MYH3: variants seen among roughly 807,000 people sequenced by gnomAD.
The protein encoded by MYH3 is myosin-3.
A neutral mutation model predicts 238.0 loss-of-function variants in MYH3; 130 were observed. The ratio of observed to expected loss-of-function variants is 0.55; its 90% CI spans 0.47 to 0.63. The LOEUF (loss-of-function observed/expected upper bound fraction) is 0.63. Among genes scored for constraint, MYH3 ranks in the 30% least tolerant of loss-of-function variants. The pLI is 0.00. For missense variants in MYH3, 1,853 were observed against 2,374.9 expected (o/e 0.78, Z 4.57); for synonymous variants, 880 against 924.1 (o/e 0.95, Z 0.86).
rs757083529 is a variant in MYH3 at position 10,634,958 on chromosome 17, G to A, written c.4238C>T (p.Ala1413Val). ...EQVEAVNAKC[A>V]SLEKTKQRLQ... ...CCTCTGCTTGGTCTTCTCCAGTGAAGCACATTTAGCATTCACTGCCTCAAC... is the reference window on the plus strand; with the variant it reads ...CCTCTGCTTGGTCTTCTCCAGTGAAACACATTTAGCATTCACTGCCTCAAC... Residue 1413 changes from alanine to valine, a missense_variant, in exon 31 of 41, where the codon GCT becomes GTT. This residue lies in a region of MYH3 where 1,044 missense variants were observed against 1,192.6 expected (regional missense o/e 0.88). Coordinates refer to ENST00000583535, the MANE Select transcript of MYH3 (RefSeq NM_002470.4). The A allele has an allele frequency of 4.3e-6, 7 of 1,614,072 alleles. No individual in the cohort carries two copies. The highest frequency in any genetic ancestry group is 5.9e-6 in the Non-Finnish European group (7 of 1,180,020).
the MYH3 span, among the ~76,000 whole-genome samples, chr17:10,662,963 T>C: frequency 3.3e-5 from 5 of 152,226 alleles, no homozygotes; most frequent in South Asian, 4.1e-4. Flanking sequence ...GGTGGGTTCC[T>C]GTAATCCCAG....
intron 3 of MYH3, among the ~76,000 whole-genome samples, chr17:10,653,587 C>T (rs1185326249): frequency 6.6e-6 from 1 of 152,132 alleles, no homozygotes; most frequent in African/African-American, 2.4e-5. Context: ...AGGACAAACC[C>T]CCACACCCTC....
At chr17:10,638,833 G>A (rs2074242222) in intron 26 of MYH3, 40 bp downstream of exon 26, 16 of 1,589,276 alleles carry the variant, frequency 1.0e-5, no homozygotes, top group Non-Finnish European at 1.4e-5. Context: ...CTCACTGTAA[G>A]TGGCCTCACA....
chr17:10,659,287 C>T (rs1020903951), upstream of MYH3, among the ~76,000 whole-genome samples: 7 of 152,202 alleles, frequency 4.6e-5, no homozygotes, highest in Non-Finnish European at 1.0e-4. Context: ...ACGTTAGGAC[C>T]TAATACAAGC....
At chr17:10,677,135 G>A in the MYH3 span, 1 of 152,026 alleles carries the variant, frequency 6.6e-6, no homozygotes, top group African/African-American at 2.4e-5. Flanking sequence ...GGAGAAACCC[G>A]TCTCTACTAA....
rs369565432 is a variant in MYH3 at position 10,656,516 on chromosome 17, G to A, written c.-67-368C>T. 3.5e-4 allele frequency among the ~76,000 whole-genome samples: 51 copies of A among 144,630 alleles called. No homozygotes were observed. In the East Asian group the frequency reaches 6.2e-3, roughly 18 times the overall value. 94.9% of individuals were successfully genotyped at this position (144,630 alleles called of 152,430 possible). Reference sequence around the variant, plus strand: ...TGTGCCATTGCACTCCAGCCTGGGCGACAAGAGCAAAATTCTGTCTCAAAA... The same window carrying A: ...TGTGCCATTGCACTCCAGCCTGGGCAACAAGAGCAAAATTCTGTCTCAAAA... On this transcript the variant is annotated intron_variant, in intron 1 of 40. Transcript: ENST00000583535.
Position 10,634,869 on chromosome 17 carries a change from G to C in MYH3, c.4327C>G (p.Leu1443Val). The C allele has an allele frequency of 6.2e-7, 1 of 1,614,152 alleles. No individual in the cohort carries two copies. The highest frequency in any genetic ancestry group is 1.1e-5 in the South Asian group (1 of 91,084). ...TCAAAGTTCCTCTGCTTCTTGTCCAGAGCGGCGGCCAAGGAATTGGCTCTT... is the reference window on the plus strand; with the variant it reads ...TCAAAGTTCCTCTGCTTCTTGTCCACAGCGGCGGCCAAGGAATTGGCTCTT... The part of the protein sequence containing the change: ...VERANSLAAA[L>V]DKKQRNFDKV... The change falls in exon 31 of 41, where the codon CTG becomes GTG. Residue 1443 changes from leucine to valine, a missense_variant. By Grantham distance (32) the Leu-to-Val change is conservative. Around this residue, in one of 3 missense-constraint regions of MYH3, gnomAD observed 1,044 missense variants for 1,192.6 expected, o/e 0.88. Transcript: ENST00000583535.
At chr17:10,672,574 AC>A in the MYH3 span, 22 of 152,300 alleles carry the variant, frequency 1.4e-4, no homozygotes, top group African/African-American at 5.3e-4. Flanking sequence ...TTGTGCAGCG[AC>A]CACTACCAAG....
Position 10,637,881 on chromosome 17 carries a change from C to T in MYH3, c.3784G>A (p.Gly1262Ser), listed in dbSNP as rs758679683. The T allele has an allele frequency of 1.2e-6, 2 of 1,614,070 alleles. No individual in the cohort carries two copies. Among genetic ancestry groups the T allele is most frequent in the Non-Finnish European group, 1.7e-6 (2 of 1,180,010 alleles). The change falls in exon 28 of 41, where the codon GGC becomes AGC. Residue 1262 changes from glycine to serine, a missense_variant. Gly to Ser is a moderately conservative substitution (Grantham distance 56, BLOSUM62 0). Coordinates refer to ENST00000583535, the MANE Select transcript of MYH3 (RefSeq NM_002470.4). ...TLEDQLSEAR[G>S]KNEEIQRSLS... ...CTCCTCTGAATTTCCTCATTCTTGC[C>T]CCTGGCCTCACTTAACTGATCCTCC...
In MYH3 at chr17:10,648,628, T is replaced by C. The variant is rs2074345715; in HGVS notation, c.664A>G (p.Ile222Val). The stretch of plus-strand genomic sequence containing the variant: ...GCCTCCAGCAGGGGATTGGCACTGA[T>C]GATTTGATCTTCCAGAGTCCCCTAA... ...KMKGTLEDQI[I>V]SANPLLEAFG... Residue 222 changes from isoleucine to valine, a missense_variant, in exon 8 of 41, where the codon ATC becomes GTC. Physicochemically the swap from Ile to Val is conservative, Grantham distance 29. Around this residue, in one of 3 missense-constraint regions of MYH3, gnomAD observed 678 missense variants for 1,058.9 expected, o/e 0.64. Coordinates refer to ENST00000583535, the MANE Select transcript of MYH3 (RefSeq NM_002470.4). The C allele has an allele frequency of 2.5e-6, 4 of 1,613,926 alleles. No individual in the cohort carries two copies. Among genetic ancestry groups the C allele is most frequent in the East Asian group, 2.2e-5 (1 of 44,880 alleles).
chr17:10,645,423 CTCTG>C (rs2074311219), intron 12 of MYH3, among the ~76,000 whole-genome samples: 1 of 151,998 alleles, frequency 6.6e-6, no homozygotes, highest in East Asian at 2.0e-4. Context: ...CAGAGCAAAA[CTCTG>C]TCTGACTCTC....
chr17:10,649,810 T>C (rs545614514), intron 6 of MYH3, 125 bp from the exon 7 acceptor site: 2 of 862,230 alleles, frequency 2.3e-6, no homozygotes, highest in East Asian at 2.5e-5. Context: ...ACCACACTAA[T>C]GTGACAGACC....
At chr17:10,670,802 T>C in the MYH3 span, among the ~76,000 whole-genome samples, 185 of 152,332 alleles carry the variant, frequency 1.2e-3, no homozygotes, top group South Asian at 4.1e-3. The surrounding 1 kb of genome is among the most constrained non-coding windows in gnomAD (Gnocchi z 7.0). Flanking sequence ...TCTTTTCAGA[T>C]CATTAAATAT....
chr17:10,643,983 A>C (rs113176388), intron 14 of MYH3, among the ~76,000 whole-genome samples: 2,589 of 151,924 alleles, frequency 0.017, 79 homozygotes, highest in African/African-American at 0.059. Context: ...AACATGGTGA[A>C]ACCCCATCTC....
Position 10,639,113 on chromosome 17 carries a change from A to C in MYH3, c.3179T>G (p.Leu1060Trp). 1 of 1,614,186 alleles carries C rather than the reference A, an allele frequency of 6.2e-7. No homozygotes were observed. Among genetic ancestry groups the C allele is most frequent in the Non-Finnish European group, 8.5e-7 (1 of 1,180,018 alleles). ...TAATATGGACTCTTGAGCAAGCTTC[A>C]AGTCTCCTTCCAATTTCCTTTTGTT... ...ERNKRKLEGD[L>W]KLAQESILDL... The change falls in exon 25 of 41, where the codon TTG becomes TGG. Residue 1060 changes from leucine to tryptophan, a missense_variant. Leu to Trp is a moderately conservative substitution (Grantham distance 61, BLOSUM62 -2). Around this residue, in one of 3 missense-constraint regions of MYH3, gnomAD observed 1,044 missense variants for 1,192.6 expected, o/e 0.88. Coordinates refer to ENST00000583535, the MANE Select transcript of MYH3 (RefSeq NM_002470.4).
chr17:10,646,309 G>A lies in MYH3; in HGVS notation c.899-277C>T, dbSNP rs529300968. ...CACGCTAATGGTGCATATCAGTGTC[G>A]GCTGGGAGAAGTTAATAGGGAAAAC... On this transcript the variant is annotated intron_variant, in intron 10 of 40. Transcript: ENST00000583535. 3.2e-4 allele frequency among the ~76,000 whole-genome samples: 49 copies of A among 152,208 alleles called. No individual in the cohort carries two copies. The East Asian group carries it at 6.0e-3, about 19-fold the overall frequency.
Position 10,655,066 on chromosome 17 carries a change from G to C in MYH3, c.-2C>G, listed in dbSNP as rs1430468858. The C allele has an allele frequency of 6.2e-7, 1 of 1,614,022 alleles. No homozygotes were observed. Among genetic ancestry groups the C allele is most frequent in the African/African-American group, 1.3e-5 (1 of 75,002 alleles). On this transcript the variant is annotated 5_prime_UTR_variant, in exon 3 of 41. Transcript: ENST00000583535. Reference sequence around the variant, plus strand: ...TTCCATTTCAGTGTCACTACTCATGGTGTCAGCTGGAAGGCAAACCCACCC... The same window carrying C: ...TTCCATTTCAGTGTCACTACTCATGCTGTCAGCTGGAAGGCAAACCCACCC...
the MYH3 span, among the ~76,000 whole-genome samples, chr17:10,671,747 T>A: frequency 6.6e-6 from 1 of 151,686 alleles, no homozygotes; most frequent in Admixed American, 6.6e-5. Context: ...GCCCGGCTAA[T>A]TTTTTGTATT....
chr17:10,663,524 C>G, the MYH3 span, among the ~76,000 whole-genome samples: 1 of 151,964 alleles, frequency 6.6e-6, no homozygotes, highest in Admixed American at 6.6e-5. Context: ...GGAAAGCTCA[C>G]AGGGGCCCAG....
Sources: gnomAD v4.1 joint callset for allele counts (sites outside exome capture counted in the v4.1 genomes callset) on GRCh38, gnomAD v4.1.1 for gene constraint, gnomAD v4.1.1 regional missense constraint, Gnocchi (gnomAD v3.1) non-coding constraint, MANE v1.5 for transcripts, NCBI Gene and HGNC (gene_info 2026-07-23, HGNC 2026-07-21) for gene names.